Variants in TUBGCP3 observed in about 807,000 individuals in gnomAD.
TUBGCP3 encodes gamma-tubulin complex component 3.
Under a neutral mutation model 123.1 loss-of-function variants are expected in TUBGCP3, and 50 were observed. The ratio of observed to expected loss-of-function variants is 0.41; its 90% CI spans 0.32 to 0.51. The LOEUF is 0.51. TUBGCP3 is among the 20% of genes least tolerant of loss of function. TUBGCP3 has a pLI of 0.36. For synonymous variants in TUBGCP3, 405 were observed against 413.9 expected (o/e 0.98, Z 0.26); for missense variants, 882 against 1,127.0 (o/e 0.78, Z 3.11).
rs764238321 is a variant in TUBGCP3, at chr13:112,558,205, A to C, written c.539T>G (p.Leu180Arg). 2 of 1,610,176 alleles carry C rather than the reference A, an allele frequency of 1.2e-6. No individual in the cohort carries two copies. Among genetic ancestry groups the C allele is most frequent in the East Asian group, 2.2e-5 (1 of 44,788 alleles). Residue 180 changes from leucine (L) to arginine (R), a missense_variant, in exon 5 of 22, where the codon CTC (leucine) becomes CGC (arginine). Transcript: ENST00000261965. ...GTCAGTGTGGCCTTACCCTGGGAGG[A>C]GAGATTGTGGCGCAGGCGCGGGGCC... The part of the protein sequence containing the change: ...LSGPAPAPQS[L>R]LPGQSNQAPG...
At chr13:112,566,064 T>A (rs1880935593) in intron 2 of TUBGCP3, among the ~76,000 whole-genome samples, 1 of 152,274 alleles carries the variant, frequency 6.6e-6, no homozygotes, top group Admixed American at 6.5e-5. Flanking sequence ...GATTAACAAA[T>A]GTCTTTGGCT....
At chr13:112,489,556 A>G in intron 21 of TUBGCP3, 25 bp downstream of exon 21, 1 of 1,491,638 alleles carries the variant, frequency 6.7e-7, no homozygotes, top group South Asian at 1.1e-5. Context: ...TGGTGTGAAG[A>G]GCCACTCTGT....
At chr13:112,582,343 G>A (rs1409567570) in intron 1 of TUBGCP3, among the ~76,000 whole-genome samples, 2 of 152,196 alleles carry the variant, frequency 1.3e-5, no homozygotes, top group South Asian at 4.1e-4. Context: ...TGAGACAGAC[G>A]TAGAACATAA....
intron 1 of TUBGCP3, among the ~76,000 whole-genome samples, chr13:112,573,573 G>A (rs1368173944): frequency 6.6e-6 from 1 of 152,140 alleles, no homozygotes; most frequent in Non-Finnish European, 1.5e-5. Flanking sequence ...CCAATCTGAG[G>A]AACTCCCACC....
the TUBGCP3 span, chr13:112,603,725 CA>C: frequency 8.0e-4 from 119 of 149,118 alleles, no homozygotes; most frequent in African/African-American, 2.5e-3. Flanking sequence ...AACTCCATCT[CA>C]AAAAAAAAAT....
chr13:112,565,003 A>G (rs1880845242), intron 3 of TUBGCP3, 108 bp downstream of exon 3: 1 of 890,800 alleles, frequency 1.1e-6, no homozygotes, highest in Admixed American at 2.8e-5. Context: ...GCAATTACCA[A>G]TTATAGAAAA....
At chr13:112,561,579 T>G (rs988719031) in intron 3 of TUBGCP3, among the ~76,000 whole-genome samples, 2 of 152,040 alleles carry the variant, frequency 1.3e-5, no homozygotes, top group African/African-American at 4.8e-5. Context: ...GTGCTGTCAT[T>G]CACCAAAAGA....
chr13:112,592,696 A>T (rs975706663), upstream of TUBGCP3, among the ~76,000 whole-genome samples: 16 of 152,214 alleles, frequency 1.1e-4, no homozygotes, highest in Non-Finnish European at 1.8e-4. The surrounding 1 kb of genome is among the most constrained non-coding windows in gnomAD (Gnocchi z 4.1). Flanking sequence ...AGAGGTACCT[A>T]AGACAGGCCT....
intron 20 of TUBGCP3, among the ~76,000 whole-genome samples, chr13:112,490,192 A>T (rs114485886): frequency 0.012 from 1,777 of 152,348 alleles, 32 homozygotes; most frequent in African/African-American, 0.039. Flanking sequence ...TATTTTTAAG[A>T]TCATTTTCAA....
At chr13:112,543,649 G>C (rs915884941) in intron 11 of TUBGCP3, among the ~76,000 whole-genome samples, 2 of 152,104 alleles carry the variant, frequency 1.3e-5, no homozygotes, top group Admixed American at 6.5e-5. Context: ...AGTATATAGA[G>C]AAATTTAGTT....
chr13:112,552,115 GA>G (rs1324403650), intron 8 of TUBGCP3, among the ~76,000 whole-genome samples: 1 of 152,174 alleles, frequency 6.6e-6, no homozygotes, highest in Non-Finnish European at 1.5e-5. Flanking sequence ...AACAGGCCAT[GA>G]ACCAGTACCG....
At chr13:112,509,422 G>T (rs974038702) in intron 17 of TUBGCP3, among the ~76,000 whole-genome samples, 1 of 152,194 alleles carries the variant, frequency 6.6e-6, no homozygotes, top group African/African-American at 2.4e-5. Context: ...GACACTGGAC[G>T]TCAGAGCAGG....
chr13:112,576,913 A>AC (rs201164854), intron 1 of TUBGCP3, among the ~76,000 whole-genome samples: 33 of 151,318 alleles, frequency 2.2e-4, no homozygotes, highest in African/African-American at 6.3e-4. Context: ...AAACAAACAA[A>AC]AAAAAAAAAA....
At chr13:112,598,631 G>T in the TUBGCP3 span, among the ~76,000 whole-genome samples, 1 of 152,102 alleles carries the variant, frequency 6.6e-6, no homozygotes, top group Non-Finnish European at 1.5e-5. Flanking sequence ...TGAAAATACT[G>T]ATAACTACCA....
At chr13:112,562,033 G>C (rs1409763260) in intron 3 of TUBGCP3, among the ~76,000 whole-genome samples, 1 of 152,106 alleles carries the variant, frequency 6.6e-6, no homozygotes, top group Admixed American at 6.5e-5. Context: ...GAGACAGTGA[G>C]GCAGTCTGGA....
intron 14 of TUBGCP3, chr13:112,521,626 T>C (rs1368654178): frequency 1.0e-6 from 1 of 977,512 alleles, no homozygotes; most frequent in Non-Finnish European, 1.2e-6. Context: ...TAAAGGTAAG[T>C]TACTATTTTG....
chr13:112,594,479 G>T, the TUBGCP3 span, among the ~76,000 whole-genome samples: 1 of 152,108 alleles, frequency 6.6e-6, no homozygotes, highest in Non-Finnish European at 1.5e-5. Context: ...ACCTGATAAA[G>T]GTCATCTATA....
In TUBGCP3 at chr13:112,570,648, T is replaced by A. The variant is rs572048988; in HGVS notation, c.77-1389A>T. ...GACTACTGACTGACCAGGGCGGTGG[T>A]TGCTGAAGGCTGTGGCAATTTCTTA... On this transcript the variant is annotated intron_variant, in intron 1 of 21. Coordinates refer to ENST00000261965, the MANE Select transcript of TUBGCP3 (RefSeq NM_006322.6). 3.3e-5 allele frequency among the ~76,000 whole-genome samples: 5 copies of A among 152,208 alleles called. No homozygotes were observed. In the East Asian group the frequency reaches 9.6e-4, roughly 29 times the overall value.
chr13:112,525,263 C>A (rs1400184989), intron 13 of TUBGCP3, among the ~76,000 whole-genome samples: 2 of 152,216 alleles, frequency 1.3e-5, no homozygotes, highest in African/African-American at 4.8e-5. Flanking sequence ...TGCGCAATAA[C>A]CCACAACCAA....
Sources: gnomAD v4.1 joint callset for allele counts (sites outside exome capture counted in the v4.1 genomes callset) on GRCh38, gnomAD v4.1.1 for gene constraint, Gnocchi (gnomAD v3.1) non-coding constraint, MANE v1.5 for transcripts, NCBI Gene and HGNC (gene_info 2026-07-23, HGNC 2026-07-21) for gene names.